ANKRD30A: variants seen among roughly 807,000 people sequenced by gnomAD.
ANKRD30A encodes ankyrin repeat domain 30A.
A neutral mutation model predicts 166.3 loss-of-function variants in ANKRD30A; 170 were observed. The observed-to-expected ratio is 1.02, with a 90% confidence interval of 0.90 to 1.16. The LOEUF is 1.16. ANKRD30A is among the 50% of genes most tolerant of loss of function. The probability of loss-of-function intolerance (pLI) is 0.00; values close to 1 mark genes in which losing one functional copy is unlikely to be tolerated. For synonymous variants in ANKRD30A, 564 were observed against 508.9 expected, an observed-to-expected ratio of 1.11 and a Z score of -1.46; for missense variants, 1,630 against 1,518.0, an observed-to-expected ratio of 1.07 and a Z score of -1.23.
At chr10:37,197,967 T>C (rs945532454) in intron 29 of ANKRD30A, among the ~76,000 whole-genome samples, 15 of 152,184 alleles carry the variant, frequency 9.9e-5, no homozygotes, top group African/African-American at 3.4e-4. Flanking sequence ...TGTGTGTGTG[T>C]CTGCGTGTGT....
rs528056287 is a variant in ANKRD30A, at chr10:37,159,938, A to G, written c.1900+1352A>G. Among the ~76,000 whole-genome samples the G allele has an allele frequency of 2.8e-4, 42 of 152,148 alleles. No homozygotes were observed. The East Asian group carries it at 4.1e-3, about 15-fold the overall frequency. ...CTGATCCGGATCTCCTGACCTTGTG[A>G]TCCGCCCACCTCGGCCTCCCAAAGT... On this transcript the variant is annotated intron_variant, in intron 15 of 35. Coordinates refer to ENST00000361713, the MANE Select transcript of ANKRD30A (RefSeq NM_052997.3).
chr10:37,197,140 C>G, intron 27 of ANKRD30A, 141 bp from the exon 28 acceptor site: 1 of 1,231,926 alleles, frequency 8.1e-7, no homozygotes, highest in Non-Finnish European at 1.2e-6. Context: ...CCTAAACAAA[C>G]CAAAAGAAAA....
intron 24 of ANKRD30A, among the ~76,000 whole-genome samples, chr10:37,183,797 T>G (rs1260692001): frequency 1.3e-5 from 2 of 148,166 alleles, no homozygotes; most frequent in Non-Finnish European, 3.0e-5. Flanking sequence ...ATACCTAATA[T>G]AATTGTCAAC....
intron 30 of ANKRD30A, among the ~76,000 whole-genome samples, chr10:37,200,102 A>G (rs1564558709): frequency 6.6e-6 from 1 of 152,098 alleles, no homozygotes. Context: ...CACTGAGTCC[A>G]GCTCTGGGCA....
intron 7 of ANKRD30A, among the ~76,000 whole-genome samples, chr10:37,142,570 CTTTTTTTTTTTTTT>C (rs869026268): frequency 2.4e-4 from 19 of 78,968 alleles, no homozygotes; most frequent in Admixed American, 9.5e-4. Flanking sequence ...TAGGATCACA[CTTTTTTTTTTTTTT>C]TTTTTTTTTT....
chr10:37,262,898 G>A, the ANKRD30A span, among the ~76,000 whole-genome samples: 1 of 151,784 alleles, frequency 6.6e-6, no homozygotes, highest in Non-Finnish European at 1.5e-5. Flanking sequence ...GCTTTGCTGG[G>A]GATCCTTCCA....
Position 37,178,644 on chromosome 10 carries a change from A to C in ANKRD30A, c.2421+2426A>C. 6.5e-6 allele frequency: 6 copies of C among 928,456 alleles called. 1 individual carries two copies. The highest frequency in any genetic ancestry group is 7.7e-6 in the Non-Finnish European group (6 of 777,222). 57.5% of individuals were successfully genotyped at this position (928,456 alleles called of 1,614,324 possible). A position where few individuals can be genotyped will look rare whatever the true frequency, so the allele number is the denominator to read the frequency against. On this transcript the variant is annotated intron_variant, in intron 24 of 35. Coordinates refer to ENST00000361713, the MANE Select transcript of ANKRD30A (RefSeq NM_052997.3). ...ATGTTTTTAGTCAGGGGAGAAGAAG[A>C]AAGGAGCAATGCAATAGAAATTATA...
intron 31 of ANKRD30A, among the ~76,000 whole-genome samples, chr10:37,214,540 G>GTATATATATA (rs140166249): frequency 2.1e-5 from 3 of 139,802 alleles, no homozygotes; most frequent in South Asian, 2.3e-4. Context: ...AGTTTTATAG[G>GTATATATATA]TATATATATA....
the ANKRD30A span, among the ~76,000 whole-genome samples, chr10:37,259,843 A>AG: frequency 6.6e-6 from 1 of 152,182 alleles, no homozygotes; most frequent in Non-Finnish European, 1.5e-5. Context: ...AGTATTGCAG[A>AG]GGGGGCTCCG....
At chr10:37,148,416 T>G (rs1837668394) in intron 9 of ANKRD30A, among the ~76,000 whole-genome samples, 1 of 152,070 alleles carries the variant, frequency 6.6e-6, no homozygotes, top group African/African-American at 2.4e-5. Flanking sequence ...AAAAATAAAT[T>G]TGAAACAGTG....
the ANKRD30A span, among the ~76,000 whole-genome samples, chr10:37,259,712 C>A: frequency 1.3e-5 from 2 of 152,158 alleles, no homozygotes; most frequent in African/African-American, 4.8e-5. Context: ...ATCTTACCAA[C>A]AATGTTAGAC....
intron 19 of ANKRD30A, among the ~76,000 whole-genome samples, chr10:37,167,184 G>A (rs2132614822): frequency 6.6e-6 from 1 of 151,254 alleles, no homozygotes; most frequent in African/African-American, 2.4e-5. Flanking sequence ...ACTGCAGAAT[G>A]TTAGAGTGTG....
Position 37,162,879 on chromosome 10 carries a change from C to T in ANKRD30A, c.2002+31C>T, listed in dbSNP as rs755830837. Reference sequence around the variant, plus strand: ...TTTTTCAATGTAACTATGGAAAGACCAATATTTCAATATTGGACATTTTGA... The same window carrying T: ...TTTTTCAATGTAACTATGGAAAGACTAATATTTCAATATTGGACATTTTGA... On this transcript the variant is annotated intron_variant, in intron 17 of 35. Transcript: ENST00000361713. 41 of 1,598,140 alleles carry T rather than the reference C, an allele frequency of 2.6e-5. No individual in the cohort carries two copies. In the East Asian group the frequency reaches 8.3e-4, roughly 32 times the overall value.
Position 37,147,418 on chromosome 10 carries a change from A to T in ANKRD30A, c.1504A>T (p.Ile502Leu), listed in dbSNP as rs1409444185. The T allele has an allele frequency of 6.3e-7, 1 of 1,597,352 alleles. No individual in the cohort carries two copies. The highest frequency in any genetic ancestry group is 8.5e-7 in the Non-Finnish European group (1 of 1,172,640). Residue 502 changes from isoleucine (I) to leucine (L), a missense_variant, in exon 9 of 36, where the codon ATA (isoleucine) becomes TTA (leucine). By Grantham distance (5) the Ile-to-Leu change is conservative. Around this residue, in one of 4 missense-constraint regions of ANKRD30A, gnomAD observed 904 missense variants for 818.5 expected, o/e 1.10. Coordinates refer to ENST00000361713, the MANE Select transcript of ANKRD30A (RefSeq NM_052997.3). The stretch of plus-strand genomic sequence containing the variant: ...GATTCAAGTGTGTATACCTGAGTCT[A>T]TATATCAAAAAGTAATGGAGATAAA... ...AKIQVCIPES[I>L]YQKVMEINRE...
At chr10:37,138,313 C>A (rs1836857830) in intron 6 of ANKRD30A, among the ~76,000 whole-genome samples, 2 of 152,136 alleles carry the variant, frequency 1.3e-5, no homozygotes, top group African/African-American at 4.8e-5. Context: ...CTCTAAAAAT[C>A]AGAGGGCCTC....
At chr10:37,167,363 A>T (rs184779870) in intron 19 of ANKRD30A, among the ~76,000 whole-genome samples, 2,748 of 149,324 alleles carry the variant, frequency 0.018, 91 homozygotes, top group African/African-American at 0.065. Flanking sequence ...ACTTGAATGT[A>T]AGAACCTTGG....
Position 37,203,258 on chromosome 10 carries a change from C to A in ANKRD30A, c.2869+1933C>A, listed in dbSNP as rs143144311. 1.0e-2 allele frequency among the ~76,000 whole-genome samples: 1,518 copies of A among 152,296 alleles called. 35 individuals carry two copies. Among genetic ancestry groups the A allele is most frequent in the East Asian group, 0.095 (490 of 5,180 alleles). ...TCAATAAAATACTGGCAAACCGAAT[C>A]CAGCAGCACATCAGAAAGCTTATCC... is the stretch of plus-strand genomic sequence containing the variant. On this transcript the variant is annotated intron_variant, in intron 31 of 35. Coordinates refer to ENST00000361713, the MANE Select transcript of ANKRD30A (RefSeq NM_052997.3).
At chr10:37,265,159 C>G in the ANKRD30A span, among the ~76,000 whole-genome samples, 6,640 of 152,274 alleles carry the variant, frequency 0.044, 216 homozygotes, top group South Asian at 0.063. Context: ...TTTATACTCA[C>G]TTGAATATCT....
chr10:37,198,452 G>A (rs1461845979), intron 29 of ANKRD30A, among the ~76,000 whole-genome samples: 2 of 151,978 alleles, frequency 1.3e-5, no homozygotes, highest in African/African-American at 4.8e-5. Context: ...ATGAAAACAT[G>A]CAGATTTCTG....
Sources: allele counts gnomAD v4.1 joint callset (sites outside exome capture counted in the v4.1 genomes callset), GRCh38; gene constraint gnomAD v4.1.1; regional missense constraint gnomAD v4.1.1; transcripts MANE v1.5; gene names NCBI Gene and HGNC (gene_info 2026-07-23, HGNC 2026-07-21).